IFT172: variants seen among roughly 807,000 people sequenced by gnomAD.
IFT172 encodes intraflagellar transport protein 172 homolog.
A neutral mutation model predicts 248.9 loss-of-function variants in IFT172; 164 were observed. The ratio of observed to expected loss-of-function variants is 0.66; its 90% CI spans 0.58 to 0.75. The LOEUF is 0.75. Among genes scored for constraint, IFT172 ranks in the 30% least tolerant of loss-of-function variants. The pLI is 0.00. For missense variants in IFT172, 1,950 were observed against 2,192.4 expected (o/e 0.89, Z 2.21); for synonymous variants, 729 against 791.6 (o/e 0.92, Z 1.33).
chr2:27,472,339 T>C lies in IFT172; in HGVS notation c.1435A>G (p.Ile479Val), dbSNP rs1667635292. Residue 479 changes from isoleucine to valine, a missense_variant, in exon 15 of 48, where the codon ATT (isoleucine) becomes GTT (valine). Physicochemically the swap from Ile to Val is conservative, Grantham distance 29. Transcript: ENST00000260570. ...AIVDLIGGYN[I>V]GTVSHESRVD... ...CGGCTCTCATGGCTGACGGTGCCAATGTTGTAGCCACCAATCAGATCCACT... is the reference window on the plus strand; with the variant it reads ...CGGCTCTCATGGCTGACGGTGCCAACGTTGTAGCCACCAATCAGATCCACT... 1 of 1,614,006 alleles carries C rather than the reference T, an allele frequency of 6.2e-7. No homozygotes were observed. The highest frequency in any genetic ancestry group is 8.5e-7 in the Non-Finnish European group (1 of 1,179,950).
chr2:27,482,924 C>G (rs1030943225), intron 7 of IFT172, among the ~76,000 whole-genome samples: 1 of 151,762 alleles, frequency 6.6e-6, no homozygotes, highest in Non-Finnish European at 1.5e-5. Context: ...CTCTTAGTAT[C>G]TCAATCCAAA....
In IFT172 at chr2:27,485,257, G is replaced by A. The variant is rs140620909; in HGVS notation, c.183+103C>T. On this transcript the variant is annotated intron_variant, in intron 2 of 47. Transcript: ENST00000260570. Reference sequence around the variant, plus strand: ...GGATTTATACTGAGAAAAAGGTGGGGTATGCCATTTCCTATGCTGATGGCT... The same window carrying A: ...GGATTTATACTGAGAAAAAGGTGGGATATGCCATTTCCTATGCTGATGGCT... The A allele has an allele frequency of 3.4e-5, 52 of 1,550,114 alleles. No homozygotes were observed. In the Middle Eastern group the frequency reaches 8.2e-4, roughly 24 times the overall value.
At chr2:27,458,573 C>T (rs571710241) in intron 26 of IFT172, among the ~76,000 whole-genome samples, 40 of 152,304 alleles carry the variant, frequency 2.6e-4, no homozygotes, top group African/African-American at 9.6e-4. Context: ...TCTGCTCCTT[C>T]AGAATGATAG....
intron 42 of IFT172, 161 bp from the exon 43 acceptor site, chr2:27,446,516 T>C: frequency 1.7e-6 from 1 of 600,716 alleles, no homozygotes; most frequent in Non-Finnish European, 2.9e-6. Flanking sequence ...TTTCTTTTTC[T>C]CTGAACAAGA....
At chr2:27,462,324 C>A (rs1299660697) in intron 20 of IFT172, among the ~76,000 whole-genome samples, 1 of 152,168 alleles carries the variant, frequency 6.6e-6, no homozygotes, top group Non-Finnish European at 1.5e-5. Context: ...TGAGCCACCA[C>A]GCCTGGCCTA....
rs1227693034 is a variant in IFT172 at position 27,458,770 on chromosome 2, C to T, written c.2877+9G>A. 1.2e-6 allele frequency: 2 copies of T among 1,613,550 alleles called. No individual in the cohort carries two copies. Among genetic ancestry groups the T allele is most frequent in the African/African-American group, 1.3e-5 (1 of 74,908 alleles). On this transcript the variant is annotated intron_variant, in intron 26 of 47. Transcript: ENST00000260570. ...GAGTTCTCTTATCATGAACTCCACC[C>T]ATCCCTACCTTGTGGGCTTGTTCCC...
At position 27,450,058 on chromosome 2, in the gene IFT172, A is replaced by T. The variant is rs367670487; in HGVS notation, c.3990T>A (p.Arg1330=). The T allele has an allele frequency of 2.5e-6, 4 of 1,614,018 alleles. No homozygotes were observed. The African/African-American group carries it at 5.3e-5, about 22-fold the overall frequency. The change falls in exon 36 of 48, where the codon CGT becomes CGA. Residue 1330 remains arginine (R), a synonymous_variant. Transcript: ENST00000260570. ...ELSIKFLPPQ[R]NMEVVLAVGP... Reference sequence around the variant, plus strand: ...CTACAGCCAGAACGACTTCCATATTACGTTGGGGAGGCAGAAACTTGATGG... The same window carrying T: ...CTACAGCCAGAACGACTTCCATATTTCGTTGGGGAGGCAGAAACTTGATGG...
Position 27,451,989 on chromosome 2 carries a change from GTA to G in IFT172, c.3951+1393_3951+1394del, listed in dbSNP as rs68147754. 7.4e-3 allele frequency among the ~76,000 whole-genome samples: 1,102 copies of G among 148,366 alleles called. 13 individuals are homozygous for G. The highest frequency in any genetic ancestry group is 0.023 in the African/African-American group (917 of 40,648). On this transcript the variant is annotated intron_variant, in intron 35 of 47. Transcript: ENST00000260570. The stretch of plus-strand genomic sequence containing the variant: ...TAATTATATATATGTATGTGTGTGT[GTA>G]TATATATATATATATATGTTATTGT...
At chr2:27,473,602 G>A (rs186075588) in intron 14 of IFT172, among the ~76,000 whole-genome samples, 2 of 151,428 alleles carry the variant, frequency 1.3e-5, no homozygotes, top group Admixed American at 6.6e-5. Flanking sequence ...GAGCCACTGC[G>A]CCTGGCCGAT....
chr2:27,483,492 T>A lies in IFT172; in HGVS notation c.482+88A>T, dbSNP rs1470538966. The A allele has an allele frequency of 2.0e-6, 3 of 1,482,858 alleles. No individual in the cohort carries two copies. The African/African-American group carries it at 4.2e-5, about 21-fold the overall frequency. The allele number at this position is 1,482,858 out of a possible 1,614,324, so 91.9% of individuals were successfully genotyped here. A position where few individuals can be genotyped will look rare whatever the true frequency, so the allele number is the denominator to read the frequency against. ...GCTTCCTGCTACCAGTTCTCCTGCC[T>A]TTCATACTATGGTCTTGCAGTCCAG... On this transcript the variant is annotated intron_variant, in intron 6 of 47. Coordinates refer to ENST00000260570, the MANE Select transcript of IFT172 (RefSeq NM_015662.3).
chr2:27,470,542 T>C (rs1667483296), intron 16 of IFT172, among the ~76,000 whole-genome samples: 1 of 152,086 alleles, frequency 6.6e-6, no homozygotes, highest in African/African-American at 2.4e-5. Context: ...GATGTTGTGG[T>C]AGGACAGGAG....
At chr2:27,460,935 C>G (rs1374993235) in intron 23 of IFT172, 80 bp downstream of exon 23, 3 of 1,521,476 alleles carry the variant, frequency 2.0e-6, no homozygotes, top group Non-Finnish European at 1.8e-6. Flanking sequence ...GTAGGGGCAA[C>G]CCACCCCTAC....
chr2:27,483,251 A>C (rs781346296), intron 7 of IFT172, 38 bp downstream of exon 7: 1 of 1,203,636 alleles, frequency 8.3e-7, no homozygotes. Context: ...TCCTGGACTC[A>C]AGCAATCCAA....
intron 22 of IFT172, 48 bp downstream of exon 22, chr2:27,461,221 G>C: frequency 6.2e-7 from 1 of 1,612,334 alleles, no homozygotes; most frequent in Non-Finnish European, 8.5e-7. Context: ...GGTAAGGGAA[G>C]GGTCCTGAGC....
chr2:27,449,820 C>T lies in IFT172; in HGVS notation c.4051-20G>A, dbSNP rs761286001. On this transcript the variant is annotated intron_variant, in intron 36 of 47. Transcript: ENST00000260570. ...TGCAGCCTGCACAGTGGGAAATCAG[C>T]GTGGAGACTTTCTCCTCGCTCCCAG... 33 of 1,570,846 alleles carry T rather than the reference C, an allele frequency of 2.1e-5. No homozygotes were observed. Among genetic ancestry groups the T allele is most frequent in the Non-Finnish European group, 2.6e-5 (30 of 1,146,030 alleles).
chr2:27,464,694 C>G (rs951379575), intron 18 of IFT172, among the ~76,000 whole-genome samples: 4 of 151,948 alleles, frequency 2.6e-5, no homozygotes, highest in African/African-American at 7.3e-5. Flanking sequence ...TCTCAGCTCA[C>G]CGCAACTTTG....
intron 11 of IFT172, 95 bp downstream of exon 11, chr2:27,477,900 T>G: frequency 6.8e-7 from 1 of 1,478,698 alleles, no homozygotes; most frequent in Admixed American, 1.9e-5. Context: ...TGTTAGAACT[T>G]CTCATGGAGA....
chr2:27,477,195 T>C (rs1262671647), intron 13 of IFT172, 22 bp downstream of exon 13: 9 of 1,590,220 alleles, frequency 5.7e-6, no homozygotes, highest in Non-Finnish European at 7.8e-6. Flanking sequence ...TTTCAGGGAT[T>C]CAGAGAATCT....
intron 12 of IFT172, 68 bp downstream of exon 12, chr2:27,477,491 C>A: frequency 7.7e-7 from 1 of 1,304,152 alleles, no homozygotes; most frequent in South Asian, 1.2e-5. Context: ...TGCAACTTGC[C>A]ATCTTTATGA....
Sources: allele counts gnomAD v4.1 joint callset (sites outside exome capture counted in the v4.1 genomes callset), GRCh38; gene constraint gnomAD v4.1.1; transcripts MANE v1.5; gene names NCBI Gene and HGNC (gene_info 2026-07-23, HGNC 2026-07-21).